Variants in MAF observed in about 807,000 individuals in gnomAD.
MAF encodes the protein MAF bZIP transcription factor.
Under a neutral mutation model 22.0 loss-of-function variants are expected in MAF, and 10 were observed. The observed-to-expected ratio is 0.45, with a 90% CI of 0.28 to 0.77. MAF has a LOEUF of 0.77. Ranked by LOEUF, MAF falls within the 30% of genes least tolerant of loss-of-function variation. The pLI, the probability that MAF is intolerant of heterozygous loss-of-function variation, is 0.12. For synonymous variants in MAF, 337 were observed against 255.8 expected (o/e 1.32, Z -3.03); for missense variants, 544 against 548.4 (o/e 0.99, Z 0.08).
chr16:79,420,290 C>A, the MAF span, among the ~76,000 whole-genome samples: 1 of 152,076 alleles, frequency 6.6e-6, no homozygotes, highest in Non-Finnish European at 1.5e-5. Context: ...TTTGTGGGCA[C>A]GAGGCCAACG....
chr16:79,470,444 C>T, the MAF span, among the ~76,000 whole-genome samples: 22 of 152,166 alleles, frequency 1.4e-4, no homozygotes, highest in African/African-American at 4.8e-4. Flanking sequence ...CCACTGTGGG[C>T]TAGAGAAACA....
the MAF span, among the ~76,000 whole-genome samples, chr16:79,326,321 G>T: frequency 6.6e-6 from 1 of 152,060 alleles, no homozygotes; most frequent in Non-Finnish European, 1.5e-5. Flanking sequence ...CATACTAGGG[G>T]CTCCATAAAT....
the MAF span, among the ~76,000 whole-genome samples, chr16:79,449,359 C>T: frequency 6.6e-6 from 1 of 152,168 alleles, no homozygotes; most frequent in African/African-American, 2.4e-5. Context: ...CTTTTATATG[C>T]AGTGAGAAAC....
At chr16:79,593,412 G>A (rs1482823623), downstream of MAF, among the ~76,000 whole-genome samples, 1 of 152,108 alleles carries the variant, frequency 6.6e-6, no homozygotes, top group African/African-American at 2.4e-5. Context: ...CTTTTAGCAG[G>A]AAAACTGGCA....
chr16:79,440,314 G>A, the MAF span, among the ~76,000 whole-genome samples: 5 of 152,354 alleles, frequency 3.3e-5, no homozygotes, highest in Non-Finnish European at 5.9e-5. Context: ...CAGTGGAAGG[G>A]CTGTGTGAGT....
At chr16:79,213,373 G>C in the MAF span, among the ~76,000 whole-genome samples, 10 of 152,272 alleles carry the variant, frequency 6.6e-5, no homozygotes, top group South Asian at 4.1e-4. Context: ...TCTTCCTTAC[G>C]TAATCCTTAT....
the MAF span, among the ~76,000 whole-genome samples, chr16:79,430,113 C>T: frequency 6.6e-6 from 1 of 152,196 alleles, no homozygotes; most frequent in Non-Finnish European, 1.5e-5. Context: ...TTCAACCCAG[C>T]CTCCCGCTTC....
At chr16:79,589,946 G>A (rs997334424), downstream of MAF, among the ~76,000 whole-genome samples, 6 of 152,182 alleles carry the variant, frequency 3.9e-5, no homozygotes, top group African/African-American at 1.4e-4. Flanking sequence ...ACTGCCGCGG[G>A]TCTGGGACTG....
At chr16:79,231,508 T>C in the MAF span, among the ~76,000 whole-genome samples, 3 of 152,206 alleles carry the variant, frequency 2.0e-5, no homozygotes, top group Admixed American at 6.5e-5. Flanking sequence ...TCCTGGCTCA[T>C]TGGATTCAAA....
the MAF span, among the ~76,000 whole-genome samples, chr16:79,399,373 C>G: frequency 6.6e-6 from 1 of 152,266 alleles, no homozygotes; most frequent in African/African-American, 2.4e-5. Context: ...AAGGAGGGAG[C>G]ACTGCTCACC....
At chr16:79,496,600 T>A in the MAF span, among the ~76,000 whole-genome samples, 4 of 152,236 alleles carry the variant, frequency 2.6e-5, no homozygotes, top group African/African-American at 9.6e-5. Context: ...TCTGCCTTCA[T>A]CTATATAAAT....
the MAF span, among the ~76,000 whole-genome samples, chr16:79,533,473 A>G: frequency 6.6e-6 from 1 of 152,168 alleles, no homozygotes; most frequent in Non-Finnish European, 1.5e-5. Flanking sequence ...GTCATTCACA[A>G]CCACTGGAAT....
At chr16:79,290,348 C>A in the MAF span, among the ~76,000 whole-genome samples, 1 of 152,286 alleles carries the variant, frequency 6.6e-6, no homozygotes, top group Admixed American at 6.5e-5. Context: ...GGCTCTGCGG[C>A]AAATTATCTT....
the MAF span, among the ~76,000 whole-genome samples, chr16:79,562,953 G>T: frequency 6.6e-6 from 1 of 152,060 alleles, no homozygotes; most frequent in Non-Finnish European, 1.5e-5. Context: ...AATCCTTCAG[G>T]CCTCAATTTC....
chr16:79,387,223 G>T, the MAF span, among the ~76,000 whole-genome samples: 1 of 152,134 alleles, frequency 6.6e-6, no homozygotes, highest in African/African-American at 2.4e-5. Context: ...CCATGAAGGG[G>T]GCCTGGGTGC....
the MAF span, among the ~76,000 whole-genome samples, chr16:79,289,345 T>G: frequency 6.6e-6 from 1 of 151,130 alleles, no homozygotes; most frequent in Non-Finnish European, 1.5e-5. Context: ...CATTATGAGG[T>G]TAAATTGGTG....
At chr16:79,408,492 A>G in the MAF span, among the ~76,000 whole-genome samples, 3 of 152,002 alleles carry the variant, frequency 2.0e-5, no homozygotes, top group African/African-American at 7.3e-5. Flanking sequence ...TGGCTTTTCT[A>G]CTTATTATCT....
At chr16:79,280,339 G>C in the MAF span, among the ~76,000 whole-genome samples, 3 of 152,238 alleles carry the variant, frequency 2.0e-5, no homozygotes, top group Non-Finnish European at 4.4e-5. Context: ...TCCAGCTGCA[G>C]TCTAAGTTTT....
the MAF span, among the ~76,000 whole-genome samples, chr16:79,552,097 C>G: frequency 6.6e-6 from 1 of 152,158 alleles, no homozygotes; most frequent in Non-Finnish European, 1.5e-5. Flanking sequence ...GACCCCCCTG[C>G]CCTCTTCCAA....
Sources: gnomAD v4.1 joint callset for allele counts (sites outside exome capture counted in the v4.1 genomes callset) on GRCh38, gnomAD v4.1.1 for gene constraint, MANE v1.5 for transcripts, NCBI Gene and HGNC (gene_info 2026-07-23, HGNC 2026-07-21) for gene names.